Variants in PKHD1L1 observed in about 807,000 individuals in gnomAD.
PKHD1L1 encodes the protein PKHD1 like 1, also known as fibrocystin-L.
PKHD1L1 carries 434 observed loss-of-function variants against 462.9 expected under a neutral mutation model. The observed-to-expected ratio is 0.94, with a 90% CI of 0.87 to 1.02. The LOEUF is 1.02. Ranked by LOEUF, PKHD1L1 falls within the 50% of genes least tolerant of loss-of-function variation. The pLI is 0.00. For missense variants in PKHD1L1, 5,202 were observed against 5,096.1 expected, an observed-to-expected ratio of 1.02 and a Z score of -0.63; for synonymous variants, 1,781 against 1,750.0, an observed-to-expected ratio of 1.02 and a Z score of -0.44.
At chr8:109,490,907 T>G in intron 60 of PKHD1L1, 65 bp from the exon 61 acceptor site, 1 of 1,383,002 alleles carries the variant, frequency 7.2e-7, no homozygotes, top group Non-Finnish European at 9.6e-7. Context: ...ATCATTTACT[T>G]CAATTTTTAA....
chr8:109,449,909 G>C (rs1275069587), intron 40 of PKHD1L1, among the ~76,000 whole-genome samples: 1 of 152,150 alleles, frequency 6.6e-6, no homozygotes, highest in African/African-American at 2.4e-5. Context: ...CTATGCCTCA[G>C]TTTTTTCAAC....
chr8:109,374,575 GATGC>G (rs2130365775), intron 2 of PKHD1L1, among the ~76,000 whole-genome samples: 2 of 152,312 alleles, frequency 1.3e-5, no homozygotes, highest in South Asian at 4.1e-4. Flanking sequence ...CTGGTTAGTT[GATGC>G]AGTTTCTTCC....
In PKHD1L1 at chr8:109,413,513, A is replaced by G; in HGVS notation, c.2328A>G (p.Thr776=). The part of the protein sequence containing the change: ...DNSKITRSTD[T]QFTYNFAYGN... ...GCAAGATTACTAGAAGCACTGATACACAGTTTACATACAACTTTGCTTATG... is the reference window on the plus strand; with the variant it reads ...GCAAGATTACTAGAAGCACTGATACGCAGTTTACATACAACTTTGCTTATG... The change falls in exon 21 of 78, where the codon ACA becomes ACG. Residue 776 remains threonine (T), a synonymous_variant. Coordinates refer to ENST00000378402, the MANE Select transcript of PKHD1L1 (RefSeq NM_177531.6). 6.4e-7 allele frequency: 1 copy of G among 1,566,922 alleles called. No individual in the cohort carries two copies.
At chr8:109,364,664 T>G (rs1563704800) in intron 2 of PKHD1L1, 28 bp downstream of exon 2, 5 of 1,210,110 alleles carry the variant, frequency 4.1e-6, no homozygotes, top group East Asian at 2.5e-5. Flanking sequence ...TTTTTTTTTT[T>G]GCCAAGGTTG....
At chr8:109,510,668 C>A in intron 70 of PKHD1L1, 109 bp from the exon 71 acceptor site, 1 of 1,353,120 alleles carries the variant, frequency 7.4e-7, no homozygotes, top group Non-Finnish European at 1.0e-6. Context: ...GCTGAACTTG[C>A]ATTTGAACTT....
chr8:109,434,702 C>A (rs1428824707), intron 28 of PKHD1L1, among the ~76,000 whole-genome samples: 1 of 152,090 alleles, frequency 6.6e-6, no homozygotes, highest in African/African-American at 2.4e-5. Flanking sequence ...CTCCTGAACT[C>A]AGGTGATCCA....
intron 32 of PKHD1L1, among the ~76,000 whole-genome samples, chr8:109,439,523 G>A (rs1815651577): frequency 6.6e-6 from 1 of 152,062 alleles, no homozygotes; most frequent in Admixed American, 6.6e-5. Context: ...AAAATACTGT[G>A]AGTTAGAGGT....
intron 54 of PKHD1L1, 111 bp downstream of exon 54, chr8:109,479,750 G>A (rs1818179230): frequency 3.4e-6 from 3 of 878,786 alleles, no homozygotes; most frequent in Non-Finnish European, 5.2e-6. Context: ...AGCAAGTGTG[G>A]AGAAGTGGAC....
chr8:109,364,152 T>C (rs16879374), intron 1 of PKHD1L1, among the ~76,000 whole-genome samples: 1,526 of 152,354 alleles, frequency 0.01, 23 homozygotes, highest in African/African-American at 0.034. Flanking sequence ...ATTTCTTCTG[T>C]GCTCTTATAA....
chr8:109,479,578 A>G lies in PKHD1L1; in HGVS notation c.9117A>G (p.Gln3039=). 1 of 1,532,972 alleles carries G rather than the reference A, an allele frequency of 6.5e-7. No individual in the cohort carries two copies. Among genetic ancestry groups the G allele is most frequent in the South Asian group, 1.2e-5 (1 of 85,602 alleles). 95.0% of individuals were successfully genotyped at this position (1,532,972 alleles called of 1,614,324 possible). A position where few individuals can be genotyped will look rare whatever the true frequency, so the allele number is the denominator to read the frequency against. Residue 3039 remains glutamine, a synonymous_variant, in exon 54 of 78, where the codon CAA becomes CAG. Coordinates refer to ENST00000378402, the MANE Select transcript of PKHD1L1 (RefSeq NM_177531.6). ...TATGGTCAAATGATTCTTTTTGGCA[A>G]TCATCACGAGAAAATAATTATACTG... ...YNLWSNDSFW[Q]SSRENNYTVP...
intron 59 of PKHD1L1, among the ~76,000 whole-genome samples, chr8:109,488,739 G>C (rs1818678454): frequency 6.6e-6 from 1 of 151,990 alleles, no homozygotes; most frequent in African/African-American, 2.4e-5. Context: ...CTTACCTGAT[G>C]ATGATGGTGC....
At chr8:109,427,779 A>G (rs1814845987) in intron 25 of PKHD1L1, among the ~76,000 whole-genome samples, 1 of 152,016 alleles carries the variant, frequency 6.6e-6, no homozygotes, top group Admixed American at 6.6e-5. Context: ...TAATCCCAGC[A>G]TTTTGGGAGG....
In PKHD1L1 at chr8:109,475,106, G is replaced by C. The variant is rs147802969; in HGVS notation, c.8606-12G>C. Reference sequence around the variant, plus strand: ...GATTACTATTATTTTCTTGTTCTATGTTCTCCTATAGGCACAAGCATTATT... The same window carrying C: ...GATTACTATTATTTTCTTGTTCTATCTTCTCCTATAGGCACAAGCATTATT... On this transcript the variant is annotated splice_polypyrimidine_tract_variant and intron_variant, in intron 50 of 77. Coordinates refer to ENST00000378402, the MANE Select transcript of PKHD1L1 (RefSeq NM_177531.6). The C allele has an allele frequency of 6.3e-7, 1 of 1,586,986 alleles. No homozygotes were observed. Among genetic ancestry groups the C allele is most frequent in the African/African-American group, 1.4e-5 (1 of 73,630 alleles).
At chr8:109,421,218 TGA>T (rs1365304112) in intron 23 of PKHD1L1, among the ~76,000 whole-genome samples, 1 of 151,868 alleles carries the variant, frequency 6.6e-6, no homozygotes, top group Non-Finnish European at 1.5e-5. Flanking sequence ...AAATATTCAA[TGA>T]GTTAATATAA....
chr8:109,390,330 T>C, intron 8 of PKHD1L1, 122 bp from the exon 9 acceptor site: 1 of 484,224 alleles, frequency 2.1e-6, no homozygotes, highest in Non-Finnish European at 3.5e-6. Context: ...GAATATAAAA[T>C]TGGATAAATA....
intron 50 of PKHD1L1, among the ~76,000 whole-genome samples, chr8:109,473,334 G>A (rs916683707): frequency 1.3e-5 from 2 of 151,908 alleles, no homozygotes; most frequent in Non-Finnish European, 2.9e-5. Context: ...CAACATAGGT[G>A]AAACCCTGCC....
At chr8:109,440,600 G>T in intron 32 of PKHD1L1, 110 bp from the exon 33 acceptor site, 1 of 954,224 alleles carries the variant, frequency 1.0e-6, no homozygotes, top group Non-Finnish European at 1.5e-6. Flanking sequence ...GTAATGTACA[G>T]TTAAATATCC....
At chr8:109,455,285 C>A (rs1816755567) in intron 45 of PKHD1L1, among the ~76,000 whole-genome samples, 2 of 152,210 alleles carry the variant, frequency 1.3e-5, no homozygotes, top group African/African-American at 2.4e-5. Context: ...CTGCAGTGAG[C>A]CAAGATCACA....
chr8:109,451,196 A>G, intron 41 of PKHD1L1, 47 bp downstream of exon 41: 4 of 1,527,190 alleles, frequency 2.6e-6, no homozygotes, highest in Non-Finnish European at 2.7e-6. Context: ...TCCAGACTTG[A>G]GCCATTACTC....
Sources: allele counts gnomAD v4.1 joint callset (sites outside exome capture counted in the v4.1 genomes callset), GRCh38; gene constraint gnomAD v4.1.1; transcripts MANE v1.5; gene names NCBI Gene and HGNC (gene_info 2026-07-23, HGNC 2026-07-21).